The following PLPPR1 variants were observed in gnomAD, a reference collection of about 807,000 sequenced individuals.
PLPPR1 encodes the protein phospholipid phosphatase-related protein type 1.
In PLPPR1, 10 loss-of-function variants were observed where a neutral mutation model predicts 33.1. The observed-to-expected ratio is 0.30, with a 90% CI of 0.19 to 0.51. PLPPR1 has a LOEUF of 0.51. Among genes scored for constraint, PLPPR1 ranks in the 20% least tolerant of loss-of-function variants. PLPPR1 has a pLI of 0.97. For synonymous variants in PLPPR1, 151 were observed against 151.0 expected, an observed-to-expected ratio of 1.00 and a Z score of 0.00; for missense variants, 304 against 408.1, an observed-to-expected ratio of 0.74 and a Z score of 2.20.
chr9:101,030,592 G>A (rs895770148), intron 1 of PLPPR1, among the ~76,000 whole-genome samples: 3 of 151,870 alleles, frequency 2.0e-5, no homozygotes, highest in African/African-American at 7.3e-5. Flanking sequence ...GGGCAGACAG[G>A]TACATTTTTG....
intron 2 of PLPPR1, among the ~76,000 whole-genome samples, chr9:101,225,979 C>CAGT (rs1389524708): frequency 6.6e-6 from 1 of 151,958 alleles, no homozygotes; most frequent in Non-Finnish European, 1.5e-5. Flanking sequence ...GTAGATCGTA[C>CAGT]AGTAAGTAAG....
Position 101,031,920 on chromosome 9 carries a change from T to A in PLPPR1, c.-46+2818T>A, listed in dbSNP as rs1425216779. ...TTAACAAGTAATGCTATAGAGTGAGTTTTTTAGAGATATGCTCAGAATGCC... is the reference window on the plus strand; with the variant it reads ...TTAACAAGTAATGCTATAGAGTGAGATTTTTAGAGATATGCTCAGAATGCC... On this transcript the variant is annotated intron_variant, in intron 1 of 7. Transcript: ENST00000374874. Among the ~76,000 whole-genome samples, 12 of 151,858 alleles carry A rather than the reference T, an allele frequency of 7.9e-5. 1 individual carries two copies. Among genetic ancestry groups the A allele is most frequent in the Admixed American group, 7.9e-4 (12 of 15,242 alleles).
intron 1 of PLPPR1, among the ~76,000 whole-genome samples, chr9:101,166,100 ACCTACTTGTT>A (rs1235550077): frequency 6.6e-6 from 1 of 152,206 alleles, no homozygotes; most frequent in African/African-American, 2.4e-5. Flanking sequence ...TTATAGCAAG[ACCTACTTGTT>A]CCTGCATCCC....
intron 1 of PLPPR1, among the ~76,000 whole-genome samples, chr9:101,124,697 T>G (rs1401848105): frequency 1.3e-5 from 2 of 152,206 alleles, no homozygotes; most frequent in African/African-American, 2.4e-5. Flanking sequence ...GCCCACTAGA[T>G]GCTGTGGCTC....
chr9:101,056,898 C>T (rs2118456713), intron 1 of PLPPR1, among the ~76,000 whole-genome samples: 1 of 152,120 alleles, frequency 6.6e-6, no homozygotes, highest in East Asian at 1.9e-4. Flanking sequence ...GGGAGGAATT[C>T]TAAAGTCTGA....
At chr9:101,117,098 A>G (rs988171732) in intron 1 of PLPPR1, among the ~76,000 whole-genome samples, 1 of 152,080 alleles carries the variant, frequency 6.6e-6, no homozygotes, top group African/African-American at 2.4e-5. Context: ...CTCTTATAAA[A>G]GGAAGGGGGA....
intron 2 of PLPPR1, among the ~76,000 whole-genome samples, chr9:101,219,118 G>A (rs776203878): frequency 2.6e-5 from 4 of 152,240 alleles, no homozygotes; most frequent in Non-Finnish European, 5.9e-5. Context: ...GGGAAGAGAA[G>A]TCACACAGCA....
chr9:101,149,319 T>C (rs1181613169), intron 1 of PLPPR1, among the ~76,000 whole-genome samples: 2 of 152,166 alleles, frequency 1.3e-5, no homozygotes, highest in African/African-American at 4.8e-5. Flanking sequence ...AAATGAAAAT[T>C]CCTCAAGAGT....
In PLPPR1 at chr9:101,223,954, A is replaced by G. The variant is rs114590687; in HGVS notation, c.63+38397A>G. On this transcript the variant is annotated intron_variant, in intron 2 of 7. Coordinates refer to ENST00000374874, the MANE Select transcript of PLPPR1 (RefSeq NM_207299.2). ...TTTTAGTTTCTTTTTAAAATGTGTC[A>G]ACATTATGTAATAATATGAAACCTC... Among the ~76,000 whole-genome samples, 197 of 152,258 alleles carry G rather than the reference A, an allele frequency of 1.3e-3. 1 individual carries two copies. The highest frequency in any genetic ancestry group is 4.6e-3 in the African/African-American group (191 of 41,552).
At chr9:101,145,874 A>G (rs1448453309) in intron 1 of PLPPR1, among the ~76,000 whole-genome samples, 8 of 150,322 alleles carry the variant, frequency 5.3e-5, no homozygotes, top group Non-Finnish European at 1.2e-4. Flanking sequence ...AAAATAGCCA[A>G]ATATGCTGGC....
chr9:101,191,210 A>C (rs1280808369), intron 2 of PLPPR1, among the ~76,000 whole-genome samples: 1 of 152,174 alleles, frequency 6.6e-6, no homozygotes, highest in Non-Finnish European at 1.5e-5. Context: ...GAGCCAGACA[A>C]AAGCTAGAGA....
rs1319164991 is a variant in PLPPR1 at position 101,324,311 on chromosome 9, A to G, written c.*254A>G. 5.3e-6 allele frequency: 2 copies of G among 380,882 alleles called. No individual in the cohort carries two copies. Among genetic ancestry groups the G allele is most frequent in the African/African-American group, 2.1e-5 (1 of 47,946 alleles). The allele number at this position is 380,882 out of a possible 1,614,324, so 23.6% of individuals were successfully genotyped here. A position where few individuals can be genotyped will look rare whatever the true frequency, so the allele number is the denominator to read the frequency against. On this transcript the variant is annotated 3_prime_UTR_variant, in exon 8 of 8. Coordinates refer to ENST00000374874, the MANE Select transcript of PLPPR1 (RefSeq NM_207299.2). ...AATTTTCTTGTTCAAGCGTGCATTGAAGAACCACATTTATTCAATGGTTGA... is the reference window on the plus strand; with the variant it reads ...AATTTTCTTGTTCAAGCGTGCATTGGAGAACCACATTTATTCAATGGTTGA...
At chr9:101,294,913 C>G (rs1303501384) in intron 4 of PLPPR1, among the ~76,000 whole-genome samples, 2 of 152,176 alleles carry the variant, frequency 1.3e-5, no homozygotes, top group Non-Finnish European at 2.9e-5. Context: ...TCCCTGTCTA[C>G]TACTCCTATT....
At chr9:101,124,787 C>T (rs1458727072) in intron 1 of PLPPR1, among the ~76,000 whole-genome samples, 1 of 152,198 alleles carries the variant, frequency 6.6e-6, no homozygotes, top group African/African-American at 2.4e-5. Flanking sequence ...AAATCCTCTT[C>T]CCCATATAGT....
intron 3 of PLPPR1, among the ~76,000 whole-genome samples, chr9:101,276,757 C>T (rs1454663292): frequency 2.0e-5 from 3 of 152,220 alleles, no homozygotes; most frequent in Admixed American, 6.5e-5. Flanking sequence ...CACCTAAAGA[C>T]ACCTTCTGAA....
At chr9:101,194,718 A>C (rs1287123076) in intron 2 of PLPPR1, among the ~76,000 whole-genome samples, 1 of 148,600 alleles carries the variant, frequency 6.7e-6, no homozygotes, top group Non-Finnish European at 1.5e-5. Flanking sequence ...GCGCCGTTGC[A>C]CTCCAGCCTG....
chr9:101,122,390 A>G (rs1052927585), intron 1 of PLPPR1, among the ~76,000 whole-genome samples: 4 of 152,246 alleles, frequency 2.6e-5, no homozygotes, highest in African/African-American at 9.6e-5. Flanking sequence ...TGCTGTGTGC[A>G]TGGCATGGTT....
chr9:101,245,798 G>A (rs183387238), intron 2 of PLPPR1, among the ~76,000 whole-genome samples: 1 of 151,768 alleles, frequency 6.6e-6, no homozygotes, highest in Admixed American at 6.6e-5. Context: ...TTAGTCCCAT[G>A]AGCCAAAGAA....
At chr9:101,299,021 A>G (rs190267977) in intron 4 of PLPPR1, among the ~76,000 whole-genome samples, 133 of 152,334 alleles carry the variant, frequency 8.7e-4, no homozygotes, top group Non-Finnish European at 1.6e-3. Context: ...GAGAAGTTCA[A>G]TCTACCCAGG....
Sources: allele counts gnomAD v4.1 joint callset (sites outside exome capture counted in the v4.1 genomes callset), GRCh38; gene constraint gnomAD v4.1.1; transcripts MANE v1.5; gene names NCBI Gene and HGNC (gene_info 2026-07-23, HGNC 2026-07-21).